MCAM: variants seen among roughly 807,000 people sequenced by gnomAD.
MCAM encodes the protein cell surface glycoprotein MUC18.
A neutral mutation model predicts 79.1 loss-of-function variants in MCAM; 55 were observed. The observed-to-expected ratio is 0.70, with a 90% confidence interval of 0.56 to 0.87. MCAM has a LOEUF of 0.87. MCAM is among the 40% of genes least tolerant of loss of function. The pLI, the probability that MCAM is intolerant of heterozygous loss-of-function variation, is 0.00. For synonymous variants in MCAM, 330 were observed against 339.8 expected, an observed-to-expected ratio of 0.97 and a Z score of 0.32; for missense variants, 745 against 839.8, an observed-to-expected ratio of 0.89 and a Z score of 1.40.
chr11:119,314,186 C>G (rs926074256), intron 5 of MCAM: 1 of 464,044 alleles, frequency 2.2e-6, no homozygotes, highest in Non-Finnish European at 3.5e-6. Context: ...GATGGGGTCT[C>G]GCTCTGTCAC....
chr11:119,316,774 G>C lies in MCAM; in HGVS notation c.67+261C>G, dbSNP rs982239539. ...ACCCCCCAGCACCCCGAAAGGCTGA[G>C]CTCCACCCCTTCTCGTTCCCAGAAG... On this transcript the variant is annotated intron_variant, in intron 1 of 15. Coordinates refer to ENST00000264036, the MANE Select transcript of MCAM (RefSeq NM_006500.3). The surrounding 1 kb of genome is among the most constrained non-coding windows in gnomAD (Gnocchi z 4.8). 4.1e-6 allele frequency: 2 copies of C among 490,366 alleles called. No individual in the cohort carries two copies. The highest frequency in any genetic ancestry group is 4.0e-5 in the Admixed American group (1 of 25,260). The allele number at this position is 490,366 out of a possible 1,614,324, so 30.4% of individuals were successfully genotyped here. A position where few individuals can be genotyped will look rare whatever the true frequency, so the allele number is the denominator to read the frequency against.
In MCAM at chr11:119,309,875, G is replaced by C. The variant is rs748010430; in HGVS notation, c.*11C>G. 2.5e-6 allele frequency: 4 copies of C among 1,598,052 alleles called. No individual in the cohort carries two copies. Among genetic ancestry groups the C allele is most frequent in the Non-Finnish European group, 3.4e-6 (4 of 1,172,016 alleles). The stretch of plus-strand genomic sequence containing the variant: ...GGTCCAGGCAGGGAAGGGAGCTGAA[G>C]TGATTCGGGGCTAATGCCTCAGATC... On this transcript the variant is annotated 3_prime_UTR_variant, in exon 16 of 16. Transcript: ENST00000264036.
chr11:119,314,974 C>T lies in MCAM; in HGVS notation c.259G>A (p.Glu87Lys), dbSNP rs889925223. Residue 87 changes from glutamate to lysine, a missense_variant, in exon 3 of 16, where the codon GAG becomes AAG. Transcript: ENST00000264036. The stretch of plus-strand genomic sequence containing the variant: ...TGGAGGCTGAGCCGCTGCTCGTACT[C>T]CCCAGGTTCGCTCTGGCCCTGGCCC... The part of the protein sequence containing the change: ...RQGQGQSEPG[E>K]YEQRLSLQDR... 5.6e-6 allele frequency: 9 copies of T among 1,611,452 alleles called. No homozygotes were observed. Among genetic ancestry groups the T allele is most frequent in the Non-Finnish European group, 7.6e-6 (9 of 1,179,970 alleles).
chr11:119,310,593 T>G, intron 14 of MCAM, 127 bp from the exon 15 acceptor site: 2 of 1,063,838 alleles, frequency 1.9e-6, no homozygotes, highest in Non-Finnish European at 2.8e-6. Context: ...GGGAAGCAGG[T>G]CATGAGACCA....
rs1950251190 is a variant in MCAM at position 119,312,595 on chromosome 11, C to A, written c.793G>T (p.Gly265Trp). The change falls in exon 7 of 16, where the codon GGG becomes TGG. Residue 265 changes from glycine (G) to tryptophan (W), a missense_variant. Coordinates refer to ENST00000264036, the MANE Select transcript of MCAM (RefSeq NM_006500.3). This position sits in a 1 kb window ranked among gnomAD's most constrained non-coding sequence, Gnocchi z 4.9. The stretch of plus-strand genomic sequence containing the variant: ...AAACACCTGATTTCCACGCGGTCCC[C>A]TTCCTTCAGCATTCCCACGGGCTCC... ...EVEPVGMLKE[G>W]DRVEIRCLAD... The A allele has an allele frequency of 5.0e-6, 8 of 1,614,202 alleles. No individual in the cohort carries two copies. Among genetic ancestry groups the A allele is most frequent in the Non-Finnish European group, 6.8e-6 (8 of 1,180,040 alleles).
chr11:119,314,998 C>T lies in MCAM; in HGVS notation c.235G>A (p.Gly79Ser). The T allele has an allele frequency of 6.2e-7, 1 of 1,609,886 alleles. No homozygotes were observed. Among genetic ancestry groups the T allele is most frequent in the Non-Finnish European group, 8.5e-7 (1 of 1,179,988 alleles). ...TCCCCAGGTTCGCTCTGGCCCTGGCCCTGGCGCACACGGAAGATGAGCGTC... is the reference window on the plus strand; with the variant it reads ...TCCCCAGGTTCGCTCTGGCCCTGGCTCTGGCGCACACGGAAGATGAGCGTC... The part of the protein sequence containing the change: ...KRTLIFRVRQ[G>S]QGQSEPGEYE... Residue 79 changes from glycine (G) to serine (S), a missense_variant, in exon 3 of 16, where the codon GGC (glycine) becomes AGC (serine). Transcript: ENST00000264036.
rs951304608 is a variant in MCAM at position 119,309,475 on chromosome 11, T to C, written c.*411A>G. ...CGCCTGGCTCCGGTGTGTCCTCACT[T>C]CAGTGGTGCACCTGGATGGTGGAAG... On this transcript the variant is annotated 3_prime_UTR_variant, in exon 16 of 16. Transcript: ENST00000264036. The C allele has an allele frequency of 6.0e-5, 15 of 248,040 alleles. No homozygotes were observed. Among genetic ancestry groups the C allele is most frequent in the Non-Finnish European group, 1.1e-4 (14 of 126,558 alleles). The allele number at this position is 248,040 out of a possible 1,614,324, so 15.4% of individuals were successfully genotyped here. A position where few individuals can be genotyped will look rare whatever the true frequency, so the allele number is the denominator to read the frequency against.
rs1456777317 is a variant in MCAM, at chr11:119,309,268, G to C, written c.*618C>G. The C allele has an allele frequency of 6.5e-6, 1 of 153,084 alleles. No individual in the cohort carries two copies. Among genetic ancestry groups the C allele is most frequent in the African/African-American group, 2.4e-5 (1 of 41,440 alleles). 9.5% of individuals were successfully genotyped at this position (153,084 alleles called of 1,614,324 possible). A position where few individuals can be genotyped will look rare whatever the true frequency, so the allele number is the denominator to read the frequency against. ...TTACAGGCGTGAGCCACCACACCTG[G>C]CCCCGGCACGTATCTTTTAAGGAAT... is the stretch of plus-strand genomic sequence containing the variant. On this transcript the variant is annotated 3_prime_UTR_variant, in exon 16 of 16. Coordinates refer to ENST00000264036, the MANE Select transcript of MCAM (RefSeq NM_006500.3).
In MCAM at chr11:119,316,862, G is replaced by A; in HGVS notation, c.67+173C>T. On this transcript the variant is annotated intron_variant, in intron 1 of 15. Transcript: ENST00000264036. This position sits in a 1 kb window ranked among gnomAD's most constrained non-coding sequence, Gnocchi z 4.8. Reference sequence around the variant, plus strand: ...TACTCTAGAATCCCGGCTGCAAACTGGCTGCAAAGAAGAGTTGCTCGCGCG... The same window carrying A: ...TACTCTAGAATCCCGGCTGCAAACTAGCTGCAAAGAAGAGTTGCTCGCGCG... 1 of 559,056 alleles carries A rather than the reference G, an allele frequency of 1.8e-6. No individual in the cohort carries two copies. Among genetic ancestry groups the A allele is most frequent in the Non-Finnish European group, 3.1e-6 (1 of 321,192 alleles). 34.6% of individuals were successfully genotyped at this position (559,056 alleles called of 1,614,324 possible).
Position 119,309,679 on chromosome 11 carries a change from A to C in MCAM, c.*207T>G. 1 of 559,440 alleles carries C rather than the reference A, an allele frequency of 1.8e-6. No homozygotes were observed. Among genetic ancestry groups the C allele is most frequent in the Admixed American group, 3.3e-5 (1 of 30,716 alleles). The allele number at this position is 559,440 out of a possible 1,614,324, so 34.7% of individuals were successfully genotyped here. ...ATGAGCTTCACTCAACGTGGAGGAG[A>C]TGGTGGTGGACTGGTCCCTGAAAAG... On this transcript the variant is annotated 3_prime_UTR_variant, in exon 16 of 16. Coordinates refer to ENST00000264036, the MANE Select transcript of MCAM (RefSeq NM_006500.3).
chr11:119,317,019 C>A lies in MCAM; in HGVS notation c.67+16G>T, dbSNP rs1259968576. On this transcript the variant is annotated intron_variant, in intron 1 of 15. Transcript: ENST00000264036. The surrounding 1 kb of genome is among the most constrained non-coding windows in gnomAD (Gnocchi z 6.2). ...GACCCCTAGCCGGGGCGCGGCCCCC[C>A]TGCGAGCGAACTCACCCGCGACGCG... 1 of 1,529,740 alleles carries A rather than the reference C, an allele frequency of 6.5e-7. No homozygotes were observed. The highest frequency in any genetic ancestry group is 2.5e-5 in the East Asian group (1 of 39,904). 94.8% of individuals were successfully genotyped at this position (1,529,740 alleles called of 1,614,324 possible).
Position 119,309,600 on chromosome 11 carries a change from C to CAAGA in MCAM, c.*285_*286insTCTT. ...CCATAATGTGTGTAAAGAAAAAACACGTTCTGCAAGAAACTCTCCTACCCG... is the reference window on the plus strand; with the variant it reads ...CCATAATGTGTGTAAAGAAAAAACACAAGAGTTCTGCAAGAAACTCTCCTACCCG... On this transcript the variant is annotated 3_prime_UTR_variant, in exon 16 of 16. Transcript: ENST00000264036. 1 of 507,058 alleles carries CAAGA rather than the reference C, an allele frequency of 2.0e-6. No individual in the cohort carries two copies. 31.4% of individuals were successfully genotyped at this position (507,058 alleles called of 1,614,324 possible). A position where few individuals can be genotyped will look rare whatever the true frequency, so the allele number is the denominator to read the frequency against.
chr11:119,313,953 T>C lies in MCAM; in HGVS notation c.559+536A>G, dbSNP rs1000143348. 4.2e-6 allele frequency: 4 copies of C among 956,014 alleles called. No homozygotes were observed. The African/African-American group carries it at 7.1e-5, about 17-fold the overall frequency. The allele number at this position is 956,014 out of a possible 1,614,324, so 59.2% of individuals were successfully genotyped here. A position where few individuals can be genotyped will look rare whatever the true frequency, so the allele number is the denominator to read the frequency against. On this transcript the variant is annotated intron_variant, in intron 5 of 15. Transcript: ENST00000264036. ...ATCATTCTAGAAATATTTCTATATA[T>C]GAGCAAATACATAGAAATAGGCTTG...
intron 15 of MCAM, 108 bp downstream of exon 15, chr11:119,310,241 C>G (rs1046104219): frequency 1.7e-5 from 14 of 804,612 alleles, no homozygotes; most frequent in Admixed American, 1.4e-4. Context: ...ATGGGGCCTG[C>G]TCCCTATCTC....
Position 119,313,921 on chromosome 11 carries a change from A to C in MCAM, c.559+568T>G, listed in dbSNP as rs998684992. On this transcript the variant is annotated intron_variant, in intron 5 of 15. Transcript: ENST00000264036. The stretch of plus-strand genomic sequence containing the variant: ...ACTGATTTAGATAATAAAACACAGA[A>C]GCCTATATCATTCTAGAAATATTTC... 19 of 942,458 alleles carry C rather than the reference A, an allele frequency of 2.0e-5. No homozygotes were observed. In the African/African-American group the frequency reaches 3.4e-4, roughly 17 times the overall value. The allele number at this position is 942,458 out of a possible 1,614,324, so 58.4% of individuals were successfully genotyped here.
At position 119,315,274 on chromosome 11, in the gene MCAM, G is replaced by T; in HGVS notation, c.68-11C>A. Reference sequence around the variant, plus strand: ...CCTCTCCGGGCACACCTGGGGGAGGGAGGCGGGGCCCCCGCAGCTGTGTCA... The same window carrying T: ...CCTCTCCGGGCACACCTGGGGGAGGTAGGCGGGGCCCCCGCAGCTGTGTCA... On this transcript the variant is annotated splice_polypyrimidine_tract_variant and intron_variant, in intron 1 of 15. Coordinates refer to ENST00000264036, the MANE Select transcript of MCAM (RefSeq NM_006500.3). This position sits in a 1 kb window ranked among gnomAD's most constrained non-coding sequence, Gnocchi z 4.4. 1 of 1,604,430 alleles carries T rather than the reference G, an allele frequency of 6.2e-7. No individual in the cohort carries two copies.
chr11:119,313,056 C>A, intron 5 of MCAM, 107 bp from the exon 6 acceptor site: 1 of 1,571,454 alleles, frequency 6.4e-7, no homozygotes. Context: ...AGCCCCCTGT[C>A]CCCTGTAGAA....
rs184863886 is a variant in MCAM at position 119,309,979 on chromosome 11, C to T, written c.1912-64G>A. The T allele has an allele frequency of 2.5e-5, 34 of 1,359,852 alleles. No individual in the cohort carries two copies. The Admixed American group carries it at 3.8e-4, about 15-fold the overall frequency. The allele number at this position is 1,359,852 out of a possible 1,614,324, so 84.2% of individuals were successfully genotyped here. A position where few individuals can be genotyped will look rare whatever the true frequency, so the allele number is the denominator to read the frequency against. On this transcript the variant is annotated intron_variant, in intron 15 of 15. Transcript: ENST00000264036. ...GGTGCTGAGTTGAAGGTGTGAGCAC[C>T]GAGAGGAAGGAGAGATGGAAGCAGA...
intron 15 of MCAM, 90 bp downstream of exon 15, chr11:119,310,257 AAG>A (rs1471899271): frequency 1.8e-4 from 157 of 881,602 alleles, no homozygotes; most frequent in Non-Finnish European, 2.3e-4. Context: ...ATCTCTGACA[AAG>A]AGGGATGAAG....
Sources: gnomAD v4.1 joint callset for allele counts on GRCh38, gnomAD v4.1.1 for gene constraint, Gnocchi (gnomAD v3.1) non-coding constraint, MANE v1.5 for transcripts, NCBI Gene and HGNC (gene_info 2026-07-23, HGNC 2026-07-21) for gene names.